The following HEMK2 variants were observed in gnomAD, a reference collection of about 807,000 sequenced individuals.
HEMK2 encodes the protein methyltransferase HEMK2.
At chr21:28,852,751 G>T in the HEMK2 span, among the ~76,000 whole-genome samples, 2 of 152,260 alleles carry the variant, frequency 1.3e-5, no homozygotes, top group South Asian at 4.1e-4. Flanking sequence ...TTAGTCTTTT[G>T]TTTACTCGAT....
the HEMK2 span, among the ~76,000 whole-genome samples, chr21:28,728,972 G>A: frequency 6.6e-6 from 1 of 152,194 alleles, no homozygotes; most frequent in African/African-American, 2.4e-5. Flanking sequence ...TCCATTCCCA[G>A]ACCATGCTTT....
chr21:28,598,696 G>C, the HEMK2 span, among the ~76,000 whole-genome samples: 1 of 152,118 alleles, frequency 6.6e-6, no homozygotes, highest in Non-Finnish European at 1.5e-5. Flanking sequence ...GAGCCTGAGG[G>C]TGATCCTAGG....
the HEMK2 span, among the ~76,000 whole-genome samples, chr21:28,658,291 T>G: frequency 1.3e-5 from 2 of 152,072 alleles, no homozygotes; most frequent in Non-Finnish European, 2.9e-5. Context: ...TAGCTCAGTT[T>G]GGTTAGAGGC....
the HEMK2 span, among the ~76,000 whole-genome samples, chr21:28,638,678 G>A: frequency 2.9e-3 from 446 of 152,224 alleles, 2 homozygotes; most frequent in Non-Finnish European, 5.0e-3. Flanking sequence ...CATTCTACCT[G>A]GCCCTCTCCT....
the HEMK2 span, among the ~76,000 whole-genome samples, chr21:28,778,882 A>G: frequency 6.6e-6 from 1 of 152,166 alleles, no homozygotes; most frequent in African/African-American, 2.4e-5. Flanking sequence ...TCTATATATT[A>G]TATTTCCATC....
chr21:28,593,742 T>G, the HEMK2 span, among the ~76,000 whole-genome samples: 1 of 152,240 alleles, frequency 6.6e-6, no homozygotes, highest in Non-Finnish European at 1.5e-5. Context: ...TATTGGGTTA[T>G]AACCCAAGTA....
chr21:28,678,202 A>T, the HEMK2 span, among the ~76,000 whole-genome samples: 1 of 152,174 alleles, frequency 6.6e-6, no homozygotes, highest in Non-Finnish European at 1.5e-5. Flanking sequence ...TCCTTAAAGG[A>T]CCTGATGGAG....
the HEMK2 span, among the ~76,000 whole-genome samples, chr21:28,803,554 C>T: frequency 6.6e-6 from 1 of 152,248 alleles, no homozygotes; most frequent in Non-Finnish European, 1.5e-5. Flanking sequence ...TTTTCTTTTT[C>T]AGCTTCTTAA....
the HEMK2 span, among the ~76,000 whole-genome samples, chr21:28,627,219 T>G: frequency 6.6e-6 from 1 of 152,154 alleles, no homozygotes; most frequent in Admixed American, 6.5e-5. Context: ...ATCAGAGCAG[T>G]GCACTGCAAA....
chr21:28,862,972 T>C, the HEMK2 span, among the ~76,000 whole-genome samples: 3 of 152,146 alleles, frequency 2.0e-5, no homozygotes, highest in Non-Finnish European at 4.4e-5. Context: ...TTGAAGATTA[T>C]GTGTGATCTC....
the HEMK2 span, among the ~76,000 whole-genome samples, chr21:28,609,653 A>G: frequency 6.6e-6 from 1 of 151,772 alleles, no homozygotes; most frequent in African/African-American, 2.4e-5. Context: ...TTAAAGAAAA[A>G]AAAAAAAAAA....
the HEMK2 span, among the ~76,000 whole-genome samples, chr21:28,695,370 A>G: frequency 6.6e-6 from 1 of 152,138 alleles, no homozygotes; most frequent in South Asian, 2.1e-4. Context: ...TGTGTGTATT[A>G]GTCTGTTCTC....
the HEMK2 span, among the ~76,000 whole-genome samples, chr21:28,850,217 CTTTTTTTTTTTTTT>C: frequency 1.1e-5 from 1 of 94,430 alleles, no homozygotes; most frequent in Non-Finnish European, 1.9e-5. Flanking sequence ...ATTCAGCATT[CTTTTTTTTTTTTTT>C]TTTTTTTTTT....
the HEMK2 span, among the ~76,000 whole-genome samples, chr21:28,759,842 C>T: frequency 3.3e-5 from 5 of 152,146 alleles, no homozygotes; most frequent in Non-Finnish European, 5.9e-5. Flanking sequence ...TCCCCAGCCA[C>T]GTGGAACTGT....
the HEMK2 span, among the ~76,000 whole-genome samples, chr21:28,754,473 T>C: frequency 6.6e-6 from 1 of 152,206 alleles, no homozygotes; most frequent in Non-Finnish European, 1.5e-5. Flanking sequence ...CCTAAAAATA[T>C]TCTGTTTTAT....
At chr21:28,619,728 T>C in the HEMK2 span, among the ~76,000 whole-genome samples, 1 of 152,226 alleles carries the variant, frequency 6.6e-6, no homozygotes, top group East Asian at 1.9e-4. Flanking sequence ...GTGCTTTCCT[T>C]TCTTCTCCAC....
chr21:28,878,466 G>A, the HEMK2 span: 1 of 904,628 alleles, frequency 1.1e-6, no homozygotes, highest in East Asian at 2.7e-5. Context: ...GAGCAGTCAA[G>A]TTGAATCTAA....
chr21:28,752,759 G>A, the HEMK2 span, among the ~76,000 whole-genome samples: 4 of 152,172 alleles, frequency 2.6e-5, no homozygotes, highest in African/African-American at 9.7e-5. Context: ...AAGGGATAAA[G>A]CCAGCTCTAC....
At chr21:28,765,870 T>A in the HEMK2 span, among the ~76,000 whole-genome samples, 1 of 152,024 alleles carries the variant, frequency 6.6e-6, no homozygotes, top group African/African-American at 2.4e-5. Context: ...TGTTCAACAT[T>A]ATTAATCAAC....
Sources: allele counts gnomAD v4.1 joint callset (sites outside exome capture counted in the v4.1 genomes callset), GRCh38; gene constraint gnomAD v4.1.1; transcripts MANE v1.5; gene names NCBI Gene and HGNC (gene_info 2026-07-23, HGNC 2026-07-21).